The following DNAH2 variants were observed in gnomAD, a reference collection of about 807,000 sequenced individuals.
DNAH2 encodes the protein axonemal beta dynein heavy chain 2.
Under a neutral mutation model 523.5 loss-of-function variants are expected in DNAH2, and 323 were observed. That is an observed-to-expected ratio of 0.62 (90% confidence interval 0.56 to 0.68). The LOEUF (loss-of-function observed/expected upper bound fraction) is 0.68, where lower values mean the gene tolerates loss of function less well. Ranked by LOEUF, DNAH2 falls within the 30% of genes least tolerant of loss-of-function variation. DNAH2 has a pLI of 0.00. For synonymous variants in DNAH2, 2,093 were observed against 2,177.4 expected, an observed-to-expected ratio of 0.96 and a Z score of 1.08; for missense variants, 4,907 against 5,701.5, an observed-to-expected ratio of 0.86 and a Z score of 4.49.
At chr17:7,721,167 C>T (rs1426836464) in intron 2 of DNAH2, among the ~76,000 whole-genome samples, 1 of 151,894 alleles carries the variant, frequency 6.6e-6, no homozygotes, top group African/African-American at 2.4e-5. Context: ...CACCACCATG[C>T]CCAGCTTATT....
intron 4 of DNAH2, among the ~76,000 whole-genome samples, chr17:7,727,616 C>T (rs1276740510): frequency 2.0e-5 from 3 of 151,918 alleles, no homozygotes; most frequent in Non-Finnish European, 2.9e-5. Flanking sequence ...ATTAGCCAGA[C>T]GTGGTGGTGC....
At position 7,833,462 on chromosome 17, in the gene DNAH2, C is replaced by T. The variant is rs748326313; in HGVS notation, c.13213C>T (p.Arg4405Trp). The change falls in exon 86 of 86, where the codon CGG becomes TGG. Residue 4405 changes from arginine to tryptophan, a missense_variant. This residue lies in a region of DNAH2 where 1,851 missense variants were observed against 2,139.4 expected (regional missense o/e 0.87). Coordinates refer to ENST00000572933, the MANE Select transcript of DNAH2 (RefSeq NM_020877.5). ...CTCCTTTGTCATCGGCATTGACCTGCGGTCTGGGGCCATGACACCTGATCA... is the reference window on the plus strand; with the variant it reads ...CTCCTTTGTCATCGGCATTGACCTGTGGTCTGGGGCCATGACACCTGATCA... ...RASFVIGIDL[R>W]SGAMTPDHWI... 4 of 1,614,134 alleles carry T rather than the reference C, an allele frequency of 2.5e-6. No individual in the cohort carries two copies. Among genetic ancestry groups the T allele is most frequent in the East Asian group, 2.2e-5 (1 of 44,864 alleles).
chr17:7,743,167 TC>T (rs1443111371), intron 12 of DNAH2, 25 bp downstream of exon 12: 2 of 1,608,598 alleles, frequency 1.2e-6, no homozygotes, highest in Non-Finnish European at 1.7e-6. Context: ...TGGCCCCTTT[TC>T]CCTATACTCC....
chr17:7,762,331 CTTTTTTTTTTTTT>C (rs35824439), intron 18 of DNAH2, among the ~76,000 whole-genome samples: 2 of 111,834 alleles, frequency 1.8e-5, no homozygotes, highest in Non-Finnish European at 3.7e-5. Context: ...CGTAGGATTT[CTTTTTTTTTTTTT>C]TTTTTTTTTG....
intron 3 of DNAH2, among the ~76,000 whole-genome samples, chr17:7,724,731 A>T: frequency 1.4e-5 from 2 of 140,700 alleles, no homozygotes; most frequent in African/African-American, 5.1e-5. Context: ...TCCTAACTTT[A>T]TCATATGTTA....
chr17:7,781,761 C>T (rs985017532), intron 39 of DNAH2, among the ~76,000 whole-genome samples: 8 of 152,224 alleles, frequency 5.3e-5, no homozygotes, highest in Admixed American at 1.3e-4. Flanking sequence ...ACCTCTAGTC[C>T]GTTGCCTTTG....
chr17:7,739,048 G>A, intron 8 of DNAH2: 1 of 700,860 alleles, frequency 1.4e-6, no homozygotes, highest in Non-Finnish European at 2.6e-6. Context: ...GCTAACAGCA[G>A]ACCCTCCAGA....
At chr17:7,788,337 G>A (rs999119498) in intron 44 of DNAH2, 93 bp downstream of exon 44, 2 of 1,429,510 alleles carry the variant, frequency 1.4e-6, no homozygotes, top group Admixed American at 2.6e-5. Context: ...GAGACAGGTT[G>A]AACTCCAGGC....
Position 7,738,930 on chromosome 17 carries a change from C to T in DNAH2, c.1171-803C>T, listed in dbSNP as rs1474664762. The T allele has an allele frequency of 5.7e-6, 4 of 702,046 alleles. No homozygotes were observed. In the East Asian group the frequency reaches 1.1e-4, roughly 19 times the overall value. 43.5% of individuals were successfully genotyped at this position (702,046 alleles called of 1,614,324 possible). On this transcript the variant is annotated intron_variant, in intron 8 of 85. Coordinates refer to ENST00000572933, the MANE Select transcript of DNAH2 (RefSeq NM_020877.5). The stretch of plus-strand genomic sequence containing the variant: ...GTCGGCCTTTCTCCTGACACAGGTT[C>T]TCCAGTCGGGGCTGGGTCCTAGATC...
intron 25 of DNAH2, 53 bp from the exon 26 acceptor site, chr17:7,770,504 T>A: frequency 6.2e-7 from 1 of 1,613,522 alleles, no homozygotes; most frequent in African/African-American, 1.3e-5. Flanking sequence ...CAGCTCCTGT[T>A]CCCCTTAGTG....
intron 63 of DNAH2, among the ~76,000 whole-genome samples, chr17:7,813,121 C>T (rs549636898): frequency 6.6e-6 from 1 of 152,264 alleles, no homozygotes; most frequent in Non-Finnish European, 1.5e-5. Context: ...CTTTCATATC[C>T]TCATGCCCTT....
intron 12 of DNAH2, among the ~76,000 whole-genome samples, chr17:7,749,408 T>C (rs530339033): frequency 1.3e-5 from 2 of 149,496 alleles, no homozygotes; most frequent in African/African-American, 4.9e-5. Flanking sequence ...TGGTGCAATG[T>C]TGGCCAGCAT....
Position 7,805,269 on chromosome 17 carries a change from C to G in DNAH2, c.9318C>G (p.Asn3106Lys). Residue 3106 changes from asparagine to lysine, a missense_variant, in exon 61 of 86, where the codon AAC becomes AAG. By Grantham distance (94) the Asn-to-Lys change is moderately conservative. Around this residue, in one of 3 missense-constraint regions of DNAH2, gnomAD observed 1,851 missense variants for 2,139.4 expected, o/e 0.87. Coordinates refer to ENST00000572933, the MANE Select transcript of DNAH2 (RefSeq NM_020877.5). ...TCCCCCAGGCCCTGGAGTCTCTGAA[C>G]AAGAAGGATATAGGAGAGATCAAGT... Reference protein sequence around the residue: ...EEAMRALESLNKKDIGEIKSY... With the variant: ...EEAMRALESLKKKDIGEIKSY... 6.2e-7 allele frequency: 1 copy of G among 1,614,188 alleles called. No individual in the cohort carries two copies.
At position 7,792,352 on chromosome 17, in the gene DNAH2, TG is replaced by T. The variant is rs755405157; in HGVS notation, c.7145+12del. ...TGGCGCTACCCTCCAAAGTAAGAGCTGGGCCTGGGTGTGAGGAGGGCATGGG... is the reference window on the plus strand; with the variant it reads ...TGGCGCTACCCTCCAAAGTAAGAGCTGGCCTGGGTGTGAGGAGGGCATGGG... On this transcript the variant is annotated intron_variant, in intron 46 of 85. Coordinates refer to ENST00000572933, the MANE Select transcript of DNAH2 (RefSeq NM_020877.5). 1.2e-6 allele frequency: 2 copies of T among 1,613,794 alleles called. No individual in the cohort carries two copies. The highest frequency in any genetic ancestry group is 2.7e-5 in the African/African-American group (2 of 74,874).
chr17:7,737,475 G>T (rs140444218), intron 8 of DNAH2, among the ~76,000 whole-genome samples: 58 of 152,374 alleles, frequency 3.8e-4, no homozygotes, highest in African/African-American at 1.3e-3. Flanking sequence ...CTAGGTGGAG[G>T]TGGCTTAGGC....
Position 7,754,915 on chromosome 17 carries a change from T to C in DNAH2, c.1905-2176T>C. ...GTGCCACCCACCCCGGGCTGCCGTC[T>C]GCATGGGGCTGGGGTCCTCCTGCGC... is the stretch of plus-strand genomic sequence containing the variant. On this transcript the variant is annotated intron_variant, in intron 12 of 85. Transcript: ENST00000572933. The surrounding 1 kb of genome is among the most constrained non-coding windows in gnomAD (Gnocchi z 4.6). 1 of 545,170 alleles carries C rather than the reference T, an allele frequency of 1.8e-6. No individual in the cohort carries two copies. The highest frequency in any genetic ancestry group is 2.7e-5 in the South Asian group (1 of 37,600). 33.8% of individuals were successfully genotyped at this position (545,170 alleles called of 1,614,324 possible).
chr17:7,741,240 T>TCTC (rs2075311621), intron 11 of DNAH2, among the ~76,000 whole-genome samples: 1 of 26,800 alleles, frequency 3.7e-5, no homozygotes, highest in Non-Finnish European at 7.7e-5. Context: ...CTCTCTCTCT[T>TCTC]TCTTTCTTTC....
chr17:7,817,754 A>G, intron 66 of DNAH2, 36 bp from the exon 67 acceptor site: 1 of 1,613,986 alleles, frequency 6.2e-7, no homozygotes, highest in Non-Finnish European at 8.5e-7. Flanking sequence ...AGCATGGGAG[A>G]GAGGGCCTCA....
chr17:7,794,334 C>T lies in DNAH2; in HGVS notation c.7650C>T (p.Asn2550=), dbSNP rs1192079558. The T allele has an allele frequency of 1.2e-6, 2 of 1,608,846 alleles. No individual in the cohort carries two copies. The highest frequency in any genetic ancestry group is 1.3e-5 in the African/African-American group (1 of 74,628). The change falls in exon 49 of 86, where the codon AAC becomes AAT. Residue 2550 remains asparagine, a synonymous_variant. Transcript: ENST00000572933. ...CCCCAAGGCTACGGAGTCGCTTCAACATTATCAACATGACCTTCCCCACAG... is the reference window on the plus strand; with the variant it reads ...CCCCAAGGCTACGGAGTCGCTTCAATATTATCAACATGACCTTCCCCACAG... ...VISPRLRSRF[N]IINMTFPTKS...
Sources: gnomAD v4.1 joint callset for allele counts (sites outside exome capture counted in the v4.1 genomes callset) on GRCh38, gnomAD v4.1.1 for gene constraint, gnomAD v4.1.1 regional missense constraint, Gnocchi (gnomAD v3.1) non-coding constraint, MANE v1.5 for transcripts, NCBI Gene and HGNC (gene_info 2026-07-23, HGNC 2026-07-21) for gene names.